Variants in ACVR1B observed in about 807,000 individuals in gnomAD.
ACVR1B encodes the protein activin receptor type-1B.
In ACVR1B, 15 loss-of-function variants were observed where a neutral mutation model predicts 55.6. The observed-to-expected ratio is 0.27, with a 90% confidence interval of 0.18 to 0.42. The LOEUF (loss-of-function observed/expected upper bound fraction) is 0.42. ACVR1B is among the 10% of genes least tolerant of loss of function. The pLI, the probability that ACVR1B is intolerant of heterozygous loss-of-function variation, is 1.00. For synonymous variants in ACVR1B, 247 were observed against 254.6 expected (o/e 0.97, Z 0.28); for missense variants, 359 against 670.1 (o/e 0.54, Z 5.13).
intron 1 of ACVR1B, chr12:51,953,532 C>T (rs985896541): frequency 1.6e-5 from 16 of 982,416 alleles, no homozygotes; most frequent in Non-Finnish European, 1.9e-5. Flanking sequence ...TAAGGATGTT[C>T]GTCGGGCCTT....
intron 1 of ACVR1B, among the ~76,000 whole-genome samples, chr12:51,958,912 G>T (rs1483412986): frequency 6.6e-6 from 1 of 152,146 alleles, no homozygotes; most frequent in Non-Finnish European, 1.5e-5. Context: ...GATCCAAAGG[G>T]TCCCTTGACA....
At chr12:51,992,100 C>G in intron 8 of ACVR1B, 107 bp downstream of exon 8, 1 of 1,430,038 alleles carries the variant, frequency 7.0e-7, no homozygotes, top group Admixed American at 1.9e-5. Context: ...CTGAGAGTGT[C>G]AGTTATTATT....
chr12:51,953,259 CCAGA>C, intron 1 of ACVR1B: 1 of 797,270 alleles, frequency 1.3e-6, no homozygotes, highest in Non-Finnish European at 1.5e-6. Context: ...CTTTAATAAA[CCAGA>C]CAGTCAAGAA....
At chr12:51,952,580 G>A (rs889369831) in intron 1 of ACVR1B, among the ~76,000 whole-genome samples, 3 of 152,092 alleles carry the variant, frequency 2.0e-5, no homozygotes, top group Non-Finnish European at 2.9e-5. Context: ...CTAACCCTAT[G>A]GAACCGAGTT....
Position 51,996,747 on chromosome 12 carries a change from C to CT in ACVR1B, c.*2638dup. ...ACACCCACCTCTGCCACTCTTAACA[C>CT]TAAGTGAGAGTTGGGGAGAAACTGA... On this transcript the variant is annotated 3_prime_UTR_variant, in exon 9 of 9. Transcript: ENST00000257963. 6.5e-6 allele frequency: 1 copy of CT among 152,740 alleles called. No homozygotes were observed. The highest frequency in any genetic ancestry group is 6.5e-5 in the Admixed American group (1 of 15,306). The allele number at this position is 152,740 out of a possible 1,614,324, so 9.5% of individuals were successfully genotyped here.
At chr12:51,970,490 G>T (rs896123476) in intron 1 of ACVR1B, among the ~76,000 whole-genome samples, 1 of 152,178 alleles carries the variant, frequency 6.6e-6, no homozygotes, top group Admixed American at 6.5e-5. Flanking sequence ...GCTCTGCACG[G>T]TGTTTTCTTA....
Position 51,994,273 on chromosome 12 carries a change from A to G in ACVR1B, c.*163A>G, listed in dbSNP as rs746106939. The stretch of plus-strand genomic sequence containing the variant: ...GCCCGGGAGAGACTCGCTCACTCCC[A>G]TGTTGGGTTTGAGACAGACACCTTT... On this transcript the variant is annotated 3_prime_UTR_variant, in exon 9 of 9. Coordinates refer to ENST00000257963, the MANE Select transcript of ACVR1B (RefSeq NM_004302.5). This position sits in a 1 kb window ranked among gnomAD's most constrained non-coding sequence, Gnocchi z 4.2. The G allele has an allele frequency of 1.7e-4, 161 of 971,354 alleles. No individual in the cohort carries two copies. Among genetic ancestry groups the G allele is most frequent in the Admixed American group, 2.8e-4 (10 of 36,252 alleles). The allele number at this position is 971,354 out of a possible 1,614,324, so 60.2% of individuals were successfully genotyped here. A position where few individuals can be genotyped will look rare whatever the true frequency, so the allele number is the denominator to read the frequency against.
chr12:51,967,256 A>G (rs948224100), intron 1 of ACVR1B, among the ~76,000 whole-genome samples: 7 of 144,652 alleles, frequency 4.8e-5, no homozygotes, highest in Admixed American at 3.5e-4. Context: ...AAACCAAACA[A>G]ACAAACAAAT....
At position 51,996,535 on chromosome 12, in the gene ACVR1B, G is replaced by A. The variant is rs769716694; in HGVS notation, c.*2425G>A. ...ATCCGCCCTGCAGCAGAACCTTGGC[G>A]GTTTATAGGTAATGATGGAACTTAG... is the stretch of plus-strand genomic sequence containing the variant. On this transcript the variant is annotated 3_prime_UTR_variant, in exon 9 of 9. Transcript: ENST00000257963. 1.3e-5 allele frequency: 2 copies of A among 152,604 alleles called. No homozygotes were observed. The highest frequency in any genetic ancestry group is 2.4e-5 in the African/African-American group (1 of 41,406). The allele number at this position is 152,604 out of a possible 1,614,324, so 9.5% of individuals were successfully genotyped here.
intron 4 of ACVR1B, 68 bp downstream of exon 4, chr12:51,981,267 T>C (rs967519700): frequency 1.5e-6 from 2 of 1,326,606 alleles, no homozygotes; most frequent in African/African-American, 2.9e-5. Flanking sequence ...AGCTATGGGG[T>C]GCACAGCTCT....
intron 7 of ACVR1B, chr12:51,987,445 T>G (rs1942103160): frequency 5.4e-6 from 2 of 371,216 alleles, no homozygotes; most frequent in Non-Finnish European, 9.7e-6. Context: ...CATTTGCAGC[T>G]GCTTATTCAT....
At chr12:51,974,568 G>T (rs1456421672) in intron 1 of ACVR1B, among the ~76,000 whole-genome samples, 3 of 152,144 alleles carry the variant, frequency 2.0e-5, no homozygotes. Flanking sequence ...CTATCCAGGG[G>T]CCTTTCAGGA....
At chr12:51,979,992 A>G (rs978102025) in intron 3 of ACVR1B, among the ~76,000 whole-genome samples, 3 of 152,162 alleles carry the variant, frequency 2.0e-5, no homozygotes, top group Non-Finnish European at 4.4e-5. Context: ...TGGTGGTTCT[A>G]TACTGTTGTC....
intron 1 of ACVR1B, among the ~76,000 whole-genome samples, chr12:51,959,831 G>A (rs993263271): frequency 6.6e-6 from 1 of 151,956 alleles, no homozygotes; most frequent in African/African-American, 2.4e-5. Context: ...AGGGGAGAGG[G>A]GATTGTGGAT....
rs756525389 is a variant in ACVR1B, at chr12:51,991,828, TTGA to T, written c.1262-33_1262-31del. The T allele has an allele frequency of 6.9e-6, 11 of 1,601,592 alleles. No individual in the cohort carries two copies. The Admixed American group carries it at 1.7e-4, about 25-fold the overall frequency. On this transcript the variant is annotated intron_variant, in intron 7 of 8. Transcript: ENST00000257963. ...GCTTCTGAGTAATCTTTTCCTGCTG[TTGA>T]TAACTCAGGTAGATACTTTCTTTTC... is the stretch of plus-strand genomic sequence containing the variant.
At chr12:51,963,532 C>T (rs1274170682) in intron 1 of ACVR1B, among the ~76,000 whole-genome samples, 2 of 152,244 alleles carry the variant, frequency 1.3e-5, no homozygotes, top group Non-Finnish European at 2.9e-5. Context: ...GCCACCACGC[C>T]TGGCCGACAT....
At chr12:51,991,784 AGT>A (rs2120757463) in intron 7 of ACVR1B, 77 bp from the exon 8 acceptor site, 2 of 1,475,548 alleles carry the variant, frequency 1.4e-6, no homozygotes, top group Non-Finnish European at 1.9e-6. Context: ...TACAGAGCAC[AGT>A]GTAGGTTTTG....
At chr12:51,967,340 C>T (rs553111519) in intron 1 of ACVR1B, among the ~76,000 whole-genome samples, 348 of 152,212 alleles carry the variant, frequency 2.3e-3, no homozygotes, top group Non-Finnish European at 3.4e-3. Flanking sequence ...TGGTGGGTCA[C>T]CTGAGGTCAG....
At chr12:51,980,681 T>G (rs1452281261) in intron 3 of ACVR1B, among the ~76,000 whole-genome samples, 1 of 152,206 alleles carries the variant, frequency 6.6e-6, no homozygotes, top group Non-Finnish European at 1.5e-5. Context: ...ACATTTACAT[T>G]CAAATCTATC....
Sources: allele counts gnomAD v4.1 joint callset (sites outside exome capture counted in the v4.1 genomes callset), GRCh38; gene constraint gnomAD v4.1.1; non-coding constraint Gnocchi (gnomAD v3.1); transcripts MANE v1.5; gene names NCBI Gene and HGNC (gene_info 2026-07-23, HGNC 2026-07-21).